Variants in EPB41L2 observed in about 807,000 individuals in gnomAD.
EPB41L2 encodes band 4.1-like protein 2.
EPB41L2 carries 43 observed loss-of-function variants against 113.0 expected under a neutral mutation model. That is an observed-to-expected ratio of 0.38 (90% CI 0.30 to 0.49). The LOEUF is 0.49. Ranked by LOEUF, EPB41L2 falls within the 20% of genes least tolerant of loss-of-function variation. The probability of loss-of-function intolerance (pLI) is 0.95; values close to 1 mark genes in which losing one functional copy is unlikely to be tolerated. For synonymous variants in EPB41L2, 442 were observed against 436.7 expected (o/e 1.01, Z -0.15); for missense variants, 1,147 against 1,223.4 (o/e 0.94, Z 0.93).
chr6:131,024,334 A>C (rs1233662895), intron 1 of EPB41L2, among the ~76,000 whole-genome samples: 6 of 152,186 alleles, frequency 3.9e-5, no homozygotes, highest in African/African-American at 1.4e-4. Flanking sequence ...TTTATGGTTA[A>C]GAGTGTGGCA....
At chr6:130,916,955 G>C (rs1583425111) in intron 4 of EPB41L2, among the ~76,000 whole-genome samples, 3 of 152,320 alleles carry the variant, frequency 2.0e-5, no homozygotes, top group Admixed American at 2.0e-4. Flanking sequence ...AGCCTTCACT[G>C]AGTAAACCTT....
chr6:130,893,266 T>C (rs1321942687), intron 10 of EPB41L2, among the ~76,000 whole-genome samples: 4 of 152,122 alleles, frequency 2.6e-5, no homozygotes, highest in African/African-American at 4.8e-5. Context: ...AGCAGGATAA[T>C]TTAAGAGGCA....
intron 1 of EPB41L2, among the ~76,000 whole-genome samples, chr6:131,018,872 T>G (rs1000026564): frequency 2.0e-5 from 3 of 152,228 alleles, no homozygotes; most frequent in African/African-American, 7.2e-5. Context: ...TTTCTAGGCT[T>G]GTATCCGTTC....
chr6:130,848,871 A>T (rs1777899989), intron 19 of EPB41L2, among the ~76,000 whole-genome samples: 1 of 152,256 alleles, frequency 6.6e-6, no homozygotes, highest in Admixed American at 6.5e-5. Context: ...ATCTATACTT[A>T]GCACAGGTGA....
At chr6:130,984,422 T>C (rs1780053375) in intron 1 of EPB41L2, among the ~76,000 whole-genome samples, 1 of 152,210 alleles carries the variant, frequency 6.6e-6, no homozygotes, top group African/African-American at 2.4e-5. Flanking sequence ...TACAGTAGGT[T>C]TGTTAACACC....
intron 1 of EPB41L2, among the ~76,000 whole-genome samples, chr6:130,995,113 G>C (rs954977701): frequency 6.6e-6 from 1 of 152,164 alleles, no homozygotes; most frequent in Non-Finnish European, 1.5e-5. Context: ...AAGGCGGGTG[G>C]ATCACGAGGT....
At chr6:131,008,275 C>T (rs935247806) in intron 1 of EPB41L2, among the ~76,000 whole-genome samples, 1 of 152,182 alleles carries the variant, frequency 6.6e-6, no homozygotes, top group Non-Finnish European at 1.5e-5. Context: ...CAGGCCATTG[C>T]TTCAGAGGTG....
chr6:130,872,604 T>C (rs539495978), intron 14 of EPB41L2: 44 of 1,112,154 alleles, frequency 4.0e-5, no homozygotes, highest in South Asian at 3.9e-4. Flanking sequence ...CAGTGACCTA[T>C]TGGAAGAAAG....
At chr6:130,957,518 G>A (rs968651101) in intron 1 of EPB41L2, among the ~76,000 whole-genome samples, 8 of 152,058 alleles carry the variant, frequency 5.3e-5, no homozygotes, top group Non-Finnish European at 7.4e-5. Context: ...AAACTTAAGA[G>A]ACGGACATGG....
chr6:130,973,272 CTT>C (rs35363035), intron 1 of EPB41L2, among the ~76,000 whole-genome samples: 28,782 of 149,228 alleles, frequency 0.19, 3,535 homozygotes, highest in African/African-American at 0.32. Flanking sequence ...AGACACAAAA[CTT>C]TTTTTTTTTT....
intron 19 of EPB41L2, among the ~76,000 whole-genome samples, chr6:130,852,147 C>T (rs1778935758): frequency 6.6e-6 from 1 of 152,146 alleles, no homozygotes; most frequent in Non-Finnish European, 1.5e-5. Context: ...ATAAAAAGTT[C>T]TTAACAACCT....
At chr6:130,954,036 CTTTCTTTTT>C (rs1480662896) in intron 3 of EPB41L2, among the ~76,000 whole-genome samples, 1,261 of 45,450 alleles carry the variant, frequency 0.028, 60 homozygotes, top group African/African-American at 0.068. Flanking sequence ...TAGTCCTTTT[CTTTCTTTTT>C]TTTTTTTTTT....
chr6:131,030,195 C>A (rs1791841073), intron 1 of EPB41L2, among the ~76,000 whole-genome samples: 1 of 152,140 alleles, frequency 6.6e-6, no homozygotes, highest in African/African-American at 2.4e-5. Context: ...GGGCCTGATC[C>A]CTTCCTTGAC....
chr6:131,010,727 A>G (rs985571140), intron 1 of EPB41L2, among the ~76,000 whole-genome samples: 2 of 152,068 alleles, frequency 1.3e-5, no homozygotes, highest in African/African-American at 4.8e-5. Flanking sequence ...TTAAATCATC[A>G]ATTTTTTAAA....
rs1242414941 is a variant in EPB41L2 at position 130,839,694 on chromosome 6, A to G, written c.*910T>C. 4 of 152,256 alleles carry G rather than the reference A, an allele frequency of 2.6e-5. No homozygotes were observed. In the East Asian group the frequency reaches 7.7e-4, roughly 29 times the overall value. The allele number at this position is 152,256 out of a possible 1,614,324, so 9.4% of individuals were successfully genotyped here. A position where few individuals can be genotyped will look rare whatever the true frequency, so the allele number is the denominator to read the frequency against. On this transcript the variant is annotated 3_prime_UTR_variant, in exon 20 of 20. Coordinates refer to ENST00000337057, the MANE Select transcript of EPB41L2 (RefSeq NM_001431.4). ...AGACAAAGAGGTTTAATACAAAGCA[A>G]GAGTTCTACCCAAGTGTTCAAATAA...
intron 3 of EPB41L2, among the ~76,000 whole-genome samples, chr6:130,947,633 C>T (rs926065365): frequency 3.3e-5 from 5 of 152,076 alleles, no homozygotes; most frequent in Non-Finnish European, 5.9e-5. Flanking sequence ...ACAGAACCAC[C>T]GATAAGCAGC....
intron 1 of EPB41L2, among the ~76,000 whole-genome samples, chr6:130,967,309 A>G (rs1429299553): frequency 6.7e-6 from 1 of 149,810 alleles, no homozygotes; most frequent in African/African-American, 2.5e-5. Context: ...TGAAAAAAAA[A>G]CTCACATATA....
rs1039154760 is a variant in EPB41L2, at chr6:131,061,931, C to T, written c.-15+1224G>A. 5.3e-5 allele frequency among the ~76,000 whole-genome samples: 8 copies of T among 152,220 alleles called. No homozygotes were observed. The South Asian group carries it at 1.7e-3, about 32-fold the overall frequency. On this transcript the variant is annotated intron_variant, in intron 1 of 19. Transcript: ENST00000337057. ...CAAGAGGAACAAGACGCCTGGCACACACATGCCATTTCAGAGGCAAGAAGT... is the reference window on the plus strand; with the variant it reads ...CAAGAGGAACAAGACGCCTGGCACATACATGCCATTTCAGAGGCAAGAAGT...
chr6:130,968,941 T>C (rs866603499), intron 1 of EPB41L2, among the ~76,000 whole-genome samples: 1 of 152,118 alleles, frequency 6.6e-6, no homozygotes, highest in Non-Finnish European at 1.5e-5. Flanking sequence ...CTGGAGAATA[T>C]GTCAGGCATT....
Sources: gnomAD v4.1 joint callset for allele counts (sites outside exome capture counted in the v4.1 genomes callset) on GRCh38, gnomAD v4.1.1 for gene constraint, MANE v1.5 for transcripts, NCBI Gene and HGNC (gene_info 2026-07-23, HGNC 2026-07-21) for gene names.